CAND1: variants seen among roughly 807,000 people sequenced by gnomAD.
The protein encoded by CAND1 is cullin associated and neddylation dissociated 1.
CAND1 carries 7 observed loss-of-function variants against 108.5 expected under a neutral mutation model. The ratio of observed to expected loss-of-function variants is 0.06; its 90% CI spans 0.04 to 0.12. The LOEUF is 0.12. Ranked by LOEUF, CAND1 falls within the 10% of genes least tolerant of loss-of-function variation. CAND1 has a pLI of 1.00. For missense variants in CAND1, 941 were observed against 1,448.7 expected, an observed-to-expected ratio of 0.65 and a Z score of 5.69; for synonymous variants, 534 against 512.0, an observed-to-expected ratio of 1.04 and a Z score of -0.58.
rs752560077 is a variant in CAND1 at position 67,305,056 on chromosome 12, T to G, written c.1436-48T>G. 2.0e-5 allele frequency: 30 copies of G among 1,501,562 alleles called. 1 individual carries two copies. The highest frequency in any genetic ancestry group is 2.3e-5 in the Non-Finnish European group (26 of 1,113,662). The allele number at this position is 1,501,562 out of a possible 1,614,324, so 93.0% of individuals were successfully genotyped here. A position where few individuals can be genotyped will look rare whatever the true frequency, so the allele number is the denominator to read the frequency against. ...TAGGGGTTGATTTTTAATTTTTCTT[T>G]CTTAAAAGTCTGCACAGCAATGATT... On this transcript the variant is annotated intron_variant, in intron 9 of 14. Coordinates refer to ENST00000545606, the MANE Select transcript of CAND1 (RefSeq NM_018448.5). The surrounding 1 kb of genome is among the most constrained non-coding windows in gnomAD (Gnocchi z 4.4).
At position 67,305,786 on chromosome 12, in the gene CAND1, G is replaced by C; in HGVS notation, c.2118G>C (p.Met706Ile). The C allele has an allele frequency of 6.2e-7, 1 of 1,614,130 alleles. No homozygotes were observed. The highest frequency in any genetic ancestry group is 8.5e-7 in the Non-Finnish European group (1 of 1,179,986). ...CACCTCTTATCAGCGAAAGTGATATGCATGTTTCACAAATGGCCATCAGTT... is the reference window on the plus strand; with the variant it reads ...CACCTCTTATCAGCGAAAGTGATATCCATGTTTCACAAATGGCCATCAGTT... ...ELPPLISESD[M>I]HVSQMAISFL... The change falls in exon 10 of 15, where the codon ATG becomes ATC. Residue 706 changes from methionine (M) to isoleucine (I), a missense_variant. By Grantham distance (10) the Met-to-Ile change is conservative. Transcript: ENST00000545606. The surrounding 1 kb of genome is among the most constrained non-coding windows in gnomAD (Gnocchi z 4.4).
intron 1 of CAND1, among the ~76,000 whole-genome samples, chr12:67,279,174 C>CAA (rs3970784): frequency 0.015 from 2,069 of 140,030 alleles, 44 homozygotes; most frequent in African/African-American, 0.047. Context: ...TCCCCACCAC[C>CAA]AAAAAAAAAA....
intron 9 of CAND1, 30 bp downstream of exon 9, chr12:67,304,776 A>G (rs1196270751): frequency 1.4e-5 from 23 of 1,607,520 alleles, no homozygotes; most frequent in Non-Finnish European, 1.7e-5. Context: ...CTCTTTTGGG[A>G]CTTATTGTAG....
At chr12:67,273,698 A>C (rs1236675747) in intron 1 of CAND1, among the ~76,000 whole-genome samples, 1 of 151,914 alleles carries the variant, frequency 6.6e-6, no homozygotes, top group Admixed American at 6.6e-5. Context: ...GCTGGTCTCA[A>C]ACTCTTGATT....
Position 67,309,885 on chromosome 12 carries a change from T to A in CAND1, c.3026-16T>A, listed in dbSNP as rs368297889. On this transcript the variant is annotated splice_polypyrimidine_tract_variant and intron_variant, in intron 11 of 14. Coordinates refer to ENST00000545606, the MANE Select transcript of CAND1 (RefSeq NM_018448.5). ...GTTTATCATGTCTGTCTGTTGCTTT[T>A]CTTGTAATATTTCAGGTGATTTCCT... The A allele has an allele frequency of 1.3e-6, 2 of 1,572,122 alleles. No individual in the cohort carries two copies. The highest frequency in any genetic ancestry group is 8.7e-7 in the Non-Finnish European group (1 of 1,155,570).
intron 2 of CAND1, among the ~76,000 whole-genome samples, chr12:67,283,442 G>A (rs141425130): frequency 0.044 from 6,707 of 152,086 alleles, 219 homozygotes; most frequent in African/African-American, 0.087. Context: ...AATTAGCCAG[G>A]CATGGTGGTG....
chr12:67,282,592 C>A (rs2044629882), intron 2 of CAND1, among the ~76,000 whole-genome samples: 1 of 152,076 alleles, frequency 6.6e-6, no homozygotes, highest in Non-Finnish European at 1.5e-5. Flanking sequence ...AGGTCTCACT[C>A]TGTGGCCCAG....
Position 67,306,672 on chromosome 12 carries a change from A to C in CAND1, c.2929+75A>C, listed in dbSNP as rs922810272. ...TGCCTTAAAAGACACCTAATAAAGA[A>C]GTTAAGCCATGTCTATATTTTCTTA... On this transcript the variant is annotated intron_variant, in intron 10 of 14. Coordinates refer to ENST00000545606, the MANE Select transcript of CAND1 (RefSeq NM_018448.5). 7.1e-6 allele frequency: 8 copies of C among 1,129,432 alleles called. No individual in the cohort carries two copies. In the Admixed American group the frequency reaches 1.9e-4, roughly 27 times the overall value. 70.0% of individuals were successfully genotyped at this position (1,129,432 alleles called of 1,614,324 possible).
chr12:67,273,484 T>C (rs1387497754), intron 1 of CAND1, among the ~76,000 whole-genome samples: 3 of 150,026 alleles, frequency 2.0e-5, no homozygotes, highest in Admixed American at 6.6e-5. Context: ...CTTTTCTTTT[T>C]TTTTTTTTTT....
chr12:67,278,869 C>G (rs2044594360), intron 1 of CAND1, among the ~76,000 whole-genome samples: 2 of 152,124 alleles, frequency 1.3e-5, no homozygotes, highest in Non-Finnish European at 2.9e-5. Flanking sequence ...TATCTTAGTT[C>G]TTAGTTCTAC....
At chr12:67,292,848 T>C in intron 3 of CAND1, 72 bp downstream of exon 3, 5 of 1,467,784 alleles carry the variant, frequency 3.4e-6, no homozygotes, top group Non-Finnish European at 4.7e-6. Context: ...TTTTTCCCCT[T>C]CTGGCCAAGG....
intron 8 of CAND1, among the ~76,000 whole-genome samples, chr12:67,302,862 A>T (rs1200477775): frequency 1.3e-5 from 2 of 152,222 alleles, no homozygotes; most frequent in African/African-American, 4.8e-5. Flanking sequence ...TTTATCTTTG[A>T]TGTTAATAGA....
At chr12:67,271,145 C>T (rs1011638867) in intron 1 of CAND1, among the ~76,000 whole-genome samples, 1 of 152,146 alleles carries the variant, frequency 6.6e-6, no homozygotes, top group Admixed American at 6.5e-5. Context: ...AAAATCATTT[C>T]GCTAATGGTA....
intron 7 of CAND1, among the ~76,000 whole-genome samples, chr12:67,301,371 T>C (rs1057327602): frequency 2.6e-5 from 4 of 152,166 alleles, no homozygotes; most frequent in Non-Finnish European, 4.4e-5. Context: ...ACTACTCCGC[T>C]CTATTATTTC....
chr12:67,275,600 G>A (rs1223183988), intron 1 of CAND1, among the ~76,000 whole-genome samples: 2 of 152,142 alleles, frequency 1.3e-5, no homozygotes, highest in African/African-American at 4.8e-5. Flanking sequence ...TGAAATAGCA[G>A]TGGTGTATGT....
chr12:67,305,075 A>G lies in CAND1; in HGVS notation c.1436-29A>G. The G allele has an allele frequency of 6.3e-7, 1 of 1,587,298 alleles. No homozygotes were observed. Among genetic ancestry groups the G allele is most frequent in the African/African-American group, 1.3e-5 (1 of 74,084 alleles). On this transcript the variant is annotated intron_variant, in intron 9 of 14. Coordinates refer to ENST00000545606, the MANE Select transcript of CAND1 (RefSeq NM_018448.5). The surrounding 1 kb of genome is among the most constrained non-coding windows in gnomAD (Gnocchi z 4.4). The stretch of plus-strand genomic sequence containing the variant: ...TTTCTTTCTTAAAAGTCTGCACAGC[A>G]ATGATTGGATTTTTTGTTGGCTTTT...
In CAND1 at chr12:67,316,193, T is replaced by C. The variant is rs1456109258; in HGVS notation, c.*3363T>C. ...TGTTTATGGAATGGAAAATTGACAG[T>C]ATGGTAATAGTTTATTGACTGATTG... On this transcript the variant is annotated 3_prime_UTR_variant, in exon 15 of 15. Transcript: ENST00000545606. 2 of 152,216 alleles carry C rather than the reference T, an allele frequency of 1.3e-5. No homozygotes were observed. Among genetic ancestry groups the C allele is most frequent in the African/African-American group, 4.8e-5 (2 of 41,462 alleles). The allele number at this position is 152,216 out of a possible 1,614,324, so 9.4% of individuals were successfully genotyped here.
intron 1 of CAND1, among the ~76,000 whole-genome samples, chr12:67,278,925 A>C (rs180873522): frequency 1.3e-5 from 2 of 152,330 alleles, no homozygotes; most frequent in Non-Finnish European, 2.9e-5. Context: ...TATGCCTTTT[A>C]CTAGACTGCA....
chr12:67,306,699 AC>A, intron 10 of CAND1, 102 bp downstream of exon 10: 1 of 853,964 alleles, frequency 1.2e-6, no homozygotes, highest in African/African-American at 1.7e-5. Flanking sequence ...ATTTTCTTAA[AC>A]CTAAAAGCTA....
Sources: allele counts gnomAD v4.1 joint callset (sites outside exome capture counted in the v4.1 genomes callset), GRCh38; gene constraint gnomAD v4.1.1; non-coding constraint Gnocchi (gnomAD v3.1); transcripts MANE v1.5; gene names NCBI Gene and HGNC (gene_info 2026-07-23, HGNC 2026-07-21).